PRKAR1A: variants seen among roughly 807,000 people sequenced by gnomAD.
PRKAR1A encodes the protein cAMP-dependent protein kinase type I-alpha regulatory subunit.
Under a neutral mutation model 52.0 loss-of-function variants are expected in PRKAR1A, and 3 were observed. That is an observed-to-expected ratio of 0.06 (90% CI 0.03 to 0.15). PRKAR1A has a LOEUF of 0.15. PRKAR1A is among the 10% of genes least tolerant of loss of function. The pLI is 1.00. For synonymous variants in PRKAR1A, 188 were observed against 168.4 expected, an observed-to-expected ratio of 1.12 and a Z score of -0.90; for missense variants, 240 against 477.4, an observed-to-expected ratio of 0.50 and a Z score of 4.63.
chr17:68,543,040 C>A (rs568458575), intron 11 of PRKAR1A, among the ~76,000 whole-genome samples: 1 of 152,264 alleles, frequency 6.6e-6, no homozygotes, highest in Admixed American at 6.5e-5. Context: ...TTCCGTCAAG[C>A]CTCCTGGGCA....
At chr17:68,496,812 T>G in the PRKAR1A span, among the ~76,000 whole-genome samples, 1 of 131,292 alleles carries the variant, frequency 7.6e-6, no homozygotes, top group Non-Finnish European at 1.6e-5. Flanking sequence ...TTAAGCTTAG[T>G]TTTTACTTTT....
At chr17:68,544,319 A>T (rs1349921152) in intron 11 of PRKAR1A, among the ~76,000 whole-genome samples, 1 of 152,184 alleles carries the variant, frequency 6.6e-6, no homozygotes, top group Non-Finnish European at 1.5e-5. Flanking sequence ...ATTTATATAC[A>T]TTAAATCTCT....
At chr17:68,516,574 G>T (rs1272880685) in intron 2 of PRKAR1A, among the ~76,000 whole-genome samples, 2 of 151,782 alleles carry the variant, frequency 1.3e-5, no homozygotes, top group Non-Finnish European at 2.9e-5. Flanking sequence ...TTTTCCATTG[G>T]TTTTTATAGT....
the PRKAR1A span, among the ~76,000 whole-genome samples, chr17:68,485,254 C>T: frequency 9.2e-5 from 14 of 152,188 alleles, no homozygotes; most frequent in Non-Finnish European, 1.6e-4. Flanking sequence ...AGATCAACTT[C>T]GCTTCCACAA....
At chr17:68,512,657 G>C (rs1393151104) in intron 1 of PRKAR1A, 109 bp downstream of exon 1, 1 of 152,358 alleles carries the variant, frequency 6.6e-6, no homozygotes, top group Non-Finnish European at 1.5e-5. Context: ...GACCTGCAGG[G>C]GGACGGCCGC....
the PRKAR1A span, among the ~76,000 whole-genome samples, chr17:68,478,448 C>T: frequency 6.6e-6 from 1 of 152,154 alleles, no homozygotes; most frequent in Non-Finnish European, 1.5e-5. Context: ...GAGACTTCGT[C>T]TCAAAAACAA....
At chr17:68,541,148 T>A in intron 11 of PRKAR1A, 3 of 742,074 alleles carry the variant, frequency 4.0e-6, no homozygotes, top group Non-Finnish European at 6.4e-6. Flanking sequence ...GGTGAGAAGG[T>A]CCTGGGTCCT....
At chr17:68,483,294 ATTATGGTGAAAC>A in the PRKAR1A span, among the ~76,000 whole-genome samples, 2 of 152,218 alleles carry the variant, frequency 1.3e-5, no homozygotes, top group Non-Finnish European at 2.9e-5. Flanking sequence ...CACCCTGGCC[ATTATGGTGAAAC>A]CCCATCTCTA....
chr17:68,469,708 C>T, the PRKAR1A span, among the ~76,000 whole-genome samples: 1 of 151,764 alleles, frequency 6.6e-6, no homozygotes, highest in African/African-American at 2.4e-5. Context: ...TTTGGATGCT[C>T]TTTACACTCT....
chr17:68,530,546 C>T lies in PRKAR1A; in HGVS notation c.*97C>T. ...CCCTACTTGCAGCGCCAAGTGGCCACTGGCATCGCAGCTTCCTGTCTGTTT... is the reference window on the plus strand; with the variant it reads ...CCCTACTTGCAGCGCCAAGTGGCCATTGGCATCGCAGCTTCCTGTCTGTTT... On this transcript the variant is annotated 3_prime_UTR_variant, in exon 11 of 11. Coordinates refer to ENST00000589228, the MANE Select transcript of PRKAR1A (RefSeq NM_002734.5). 1.2e-6 allele frequency: 2 copies of T among 1,607,226 alleles called. No individual in the cohort carries two copies.
At chr17:68,524,682 T>G (rs1479648086) in intron 5 of PRKAR1A, among the ~76,000 whole-genome samples, 1 of 152,220 alleles carries the variant, frequency 6.6e-6, no homozygotes, top group Non-Finnish European at 1.5e-5. Context: ...TATGTAGCTT[T>G]TAAAAATTTT....
At chr17:68,534,574 T>A (rs2086053891), downstream of PRKAR1A, among the ~76,000 whole-genome samples, 1 of 151,502 alleles carries the variant, frequency 6.6e-6, no homozygotes, top group African/African-American at 2.4e-5. Flanking sequence ...TTTTTTTTTT[T>A]TTTTGCATTT....
chr17:68,420,064 C>T, the PRKAR1A span: 1 of 1,072,122 alleles, frequency 9.3e-7, no homozygotes, highest in South Asian at 1.5e-5. Context: ...ACAGAGAGAG[C>T]CATCATTGGA....
downstream of PRKAR1A, chr17:68,537,231 G>A (rs781515996): frequency 2.9e-5 from 19 of 654,400 alleles, no homozygotes; most frequent in Non-Finnish European, 4.8e-5. This position sits in a 1 kb window ranked among gnomAD's most constrained non-coding sequence, Gnocchi z 4.2. Context: ...GGAGATCGTC[G>A]GTGGCCTTGA....
At chr17:68,504,832 T>TA in the PRKAR1A span, among the ~76,000 whole-genome samples, 3 of 152,148 alleles carry the variant, frequency 2.0e-5, no homozygotes, top group African/African-American at 7.2e-5. Flanking sequence ...TAAAAGAGTA[T>TA]AATTGTAAAG....
intron 11 of PRKAR1A, chr17:68,541,081 G>T: frequency 1.4e-6 from 2 of 1,463,862 alleles, no homozygotes; most frequent in Non-Finnish European, 1.8e-6. Flanking sequence ...GCTGGTGGCA[G>T]CTTCTAAAAT....
chr17:68,421,790 TG>T, the PRKAR1A span: 1 of 1,614,248 alleles, frequency 6.2e-7, no homozygotes, highest in Non-Finnish European at 8.5e-7. Context: ...TGCTTCGTTT[TG>T]CCCTTCTGAT....
intron 11 of PRKAR1A, chr17:68,540,951 C>G: frequency 6.3e-7 from 1 of 1,588,418 alleles, no homozygotes; most frequent in Non-Finnish European, 8.6e-7. Context: ...AGGGGATTGA[C>G]CTCCCACCTG....
At chr17:68,456,655 G>T in the PRKAR1A span, among the ~76,000 whole-genome samples, 1 of 152,218 alleles carries the variant, frequency 6.6e-6, no homozygotes, top group Non-Finnish European at 1.5e-5. Context: ...GTTTCCTGGA[G>T]AGAAAGCAGT....
Sources: allele counts gnomAD v4.1 joint callset (sites outside exome capture counted in the v4.1 genomes callset), GRCh38; gene constraint gnomAD v4.1.1; non-coding constraint Gnocchi (gnomAD v3.1); transcripts MANE v1.5; gene names NCBI Gene and HGNC (gene_info 2026-07-23, HGNC 2026-07-21).